Variants in SYT9 observed in about 807,000 individuals in gnomAD.
The protein encoded by SYT9 is synaptotagmin 9.
Under a neutral mutation model 48.4 loss-of-function variants are expected in SYT9, and 22 were observed. That is an observed-to-expected ratio of 0.45 (90% CI 0.32 to 0.65). SYT9 has a LOEUF of 0.65. Ranked by LOEUF, SYT9 falls within the 30% of genes least tolerant of loss-of-function variation. The pLI, the probability that SYT9 is intolerant of heterozygous loss-of-function variation, is 0.03. For missense variants in SYT9, 577 were observed against 622.0 expected, an observed-to-expected ratio of 0.93 and a Z score of 0.77; for synonymous variants, 265 against 245.0, an observed-to-expected ratio of 1.08 and a Z score of -0.76.
intron 3 of SYT9, among the ~76,000 whole-genome samples, chr11:7,387,191 G>T (rs972559886): frequency 6.6e-6 from 1 of 152,102 alleles, no homozygotes; most frequent in Non-Finnish European, 1.5e-5. Flanking sequence ...ATAGCATTAG[G>T]AGATATACCT....
chr11:7,302,268 A>G (rs1178020726), intron 1 of SYT9, among the ~76,000 whole-genome samples: 1 of 152,232 alleles, frequency 6.6e-6, no homozygotes, highest in Non-Finnish European at 1.5e-5. Flanking sequence ...TTAAGCCTCC[A>G]TAGCAGGTTT....
intron 3 of SYT9, among the ~76,000 whole-genome samples, chr11:7,388,215 T>C (rs149784542): frequency 2.0e-5 from 3 of 152,308 alleles, no homozygotes; most frequent in Admixed American, 6.5e-5. Context: ...ATTTCTCATA[T>C]CTAGTTTATG....
At chr11:7,244,590 G>A (rs918464080) in intron 1 of SYT9, among the ~76,000 whole-genome samples, 1 of 152,156 alleles carries the variant, frequency 6.6e-6, no homozygotes, top group African/African-American at 2.4e-5. Flanking sequence ...TGGATAATTA[G>A]GAAGTTTTTG....
intron 3 of SYT9, among the ~76,000 whole-genome samples, chr11:7,398,631 C>T (rs1485417732): frequency 5.3e-5 from 8 of 152,030 alleles, no homozygotes; most frequent in African/African-American, 1.5e-4. Flanking sequence ...AGGACAGTCT[C>T]GATTACAGTT....
chr11:7,284,579 T>C (rs1848562776), intron 1 of SYT9, among the ~76,000 whole-genome samples: 1 of 152,056 alleles, frequency 6.6e-6, no homozygotes. Flanking sequence ...TTAAGAGAAG[T>C]CTGAAGGCAG....
chr11:7,273,502 T>G (rs1848333411), intron 1 of SYT9, among the ~76,000 whole-genome samples: 1 of 152,200 alleles, frequency 6.6e-6, no homozygotes, highest in Non-Finnish European at 1.5e-5. Flanking sequence ...TATTTATTTC[T>G]TCTGAAGGCA....
intron 3 of SYT9, among the ~76,000 whole-genome samples, chr11:7,333,143 A>G (rs1348522830): frequency 6.6e-6 from 1 of 152,194 alleles, no homozygotes; most frequent in African/African-American, 2.4e-5. Context: ...TTTCCTTCAG[A>G]TTGGATTATG....
At chr11:7,383,190 G>T (rs1850598150) in intron 3 of SYT9, among the ~76,000 whole-genome samples, 1 of 152,200 alleles carries the variant, frequency 6.6e-6, no homozygotes, top group Admixed American at 6.5e-5. Context: ...TACAGGTGAA[G>T]ATTAAGGACA....
At chr11:7,416,014 A>G (rs752570552) in intron 3 of SYT9, 28 bp from the exon 4 acceptor site, 1 of 1,613,892 alleles carries the variant, frequency 6.2e-7, no homozygotes, top group South Asian at 1.1e-5. Context: ...GACACTTTCT[A>G]ATACTTTAGT....
intron 6 of SYT9, among the ~76,000 whole-genome samples, chr11:7,449,563 G>A (rs1848005174): frequency 6.6e-6 from 1 of 152,232 alleles, no homozygotes; most frequent in South Asian, 2.1e-4. Context: ...AGGAAGGCTG[G>A]AGACAGTGGA....
chr11:7,248,652 A>C (rs1009681725), upstream of SYT9, among the ~76,000 whole-genome samples: 4 of 151,980 alleles, frequency 2.6e-5, no homozygotes, highest in Non-Finnish European at 4.4e-5. Flanking sequence ...TACAAGGAAG[A>C]CTGCAAAACA....
intron 6 of SYT9, among the ~76,000 whole-genome samples, chr11:7,461,638 G>A (rs1336455075): frequency 6.6e-6 from 1 of 152,258 alleles, no homozygotes; most frequent in African/African-American, 2.4e-5. Context: ...CTTCCAAAGT[G>A]CTGGGATTAC....
At chr11:7,427,345 A>G (rs1288032353) in intron 6 of SYT9, 3 of 152,270 alleles carry the variant, frequency 2.0e-5, no homozygotes, top group Non-Finnish European at 4.4e-5. Flanking sequence ...CTTGGTTCCA[A>G]TAAACTGCCA....
At chr11:7,304,678 G>T (rs1272973848) in intron 2 of SYT9, among the ~76,000 whole-genome samples, 2 of 152,172 alleles carry the variant, frequency 1.3e-5, no homozygotes, top group East Asian at 3.8e-4. Flanking sequence ...TCTAAAATAT[G>T]CCTCTGTGAG....
At chr11:7,413,009 A>C (rs1847167899) in intron 3 of SYT9, among the ~76,000 whole-genome samples, 1 of 152,190 alleles carries the variant, frequency 6.6e-6, no homozygotes. Context: ...ACTTGTCCTC[A>C]GGTCCCCTGG....
At chr11:7,305,091 C>T (rs1212083744) in intron 2 of SYT9, among the ~76,000 whole-genome samples, 1 of 151,846 alleles carries the variant, frequency 6.6e-6, no homozygotes, top group African/African-American at 2.4e-5. Flanking sequence ...TACTGCATAG[C>T]AATAAGGATT....
At chr11:7,277,746 C>T (rs2133896995) in intron 1 of SYT9, among the ~76,000 whole-genome samples, 1 of 152,340 alleles carries the variant, frequency 6.6e-6, no homozygotes, top group Middle Eastern at 3.4e-3. Flanking sequence ...AGCAAATGCT[C>T]CTGTTGGAGA....
intron 6 of SYT9, among the ~76,000 whole-genome samples, chr11:7,432,569 AAAAAAAAAAAAAAATATATATAC>A (rs1847607537): frequency 5.1e-4 from 7 of 13,594 alleles, no homozygotes; most frequent in African/African-American, 1.0e-3. Flanking sequence ...AAAAAAAAAA[AAAAAAAAAAAAAAATATATATAC>A]ATATATATAT....
At chr11:7,332,020 G>T (rs1388745947) in intron 3 of SYT9, among the ~76,000 whole-genome samples, 1 of 152,188 alleles carries the variant, frequency 6.6e-6, no homozygotes, top group African/African-American at 2.4e-5. Context: ...AATATGGCGT[G>T]TGAATCTTAA....
Sources: gnomAD v4.1 joint callset for allele counts (sites outside exome capture counted in the v4.1 genomes callset) on GRCh38, gnomAD v4.1.1 for gene constraint, MANE v1.5 for transcripts, NCBI Gene and HGNC (gene_info 2026-07-23, HGNC 2026-07-21) for gene names.